Variants in PTPRT observed in about 807,000 individuals in gnomAD.
PTPRT encodes protein tyrosine phosphatase receptor type T, also known as receptor-type tyrosine-protein phosphatase T.
A neutral mutation model predicts 176.8 loss-of-function variants in PTPRT; 56 were observed. The observed-to-expected ratio is 0.32, with a 90% CI of 0.26 to 0.40. The LOEUF (loss-of-function observed/expected upper bound fraction) is 0.40. PTPRT is among the 10% of genes least tolerant of loss of function. The probability of loss-of-function intolerance (pLI) is 1.00; values close to 1 mark genes in which losing one functional copy is unlikely to be tolerated. For missense variants in PTPRT, 1,540 were observed against 1,908.2 expected, an observed-to-expected ratio of 0.81 and a Z score of 3.60; for synonymous variants, 783 against 739.0, an observed-to-expected ratio of 1.06 and a Z score of -0.96.
intron 7 of PTPRT, among the ~76,000 whole-genome samples, chr20:42,662,137 C>T (rs1473357666): frequency 6.6e-6 from 1 of 152,202 alleles, no homozygotes; most frequent in African/African-American, 2.4e-5. Flanking sequence ...GCATACTGTC[C>T]TCTTAATATG....
chr20:42,408,147 C>A (rs1277868430), intron 9 of PTPRT, among the ~76,000 whole-genome samples: 1 of 151,968 alleles, frequency 6.6e-6, no homozygotes, highest in Non-Finnish European at 1.5e-5. Context: ...AATTAACTAC[C>A]AAACTATTTT....
chr20:42,699,835 G>T (rs531040464), intron 6 of PTPRT, among the ~76,000 whole-genome samples: 3 of 152,298 alleles, frequency 2.0e-5, no homozygotes, highest in Admixed American at 1.3e-4. Flanking sequence ...CTGTGATTGT[G>T]TTACCAGTCC....
chr20:42,640,891 T>G (rs1195760498), intron 7 of PTPRT, among the ~76,000 whole-genome samples: 1 of 152,158 alleles, frequency 6.6e-6, no homozygotes, highest in Non-Finnish European at 1.5e-5. Context: ...CCACCATTAA[T>G]GACAACACAA....
the PTPRT span, among the ~76,000 whole-genome samples, chr20:42,061,351 T>C: frequency 2.6e-5 from 4 of 152,136 alleles, no homozygotes; most frequent in Non-Finnish European, 4.4e-5. Context: ...CCCAATATTA[T>C]TAGAATGAGC....
intron 1 of PTPRT, among the ~76,000 whole-genome samples, chr20:43,166,009 G>C (rs2014848927): frequency 6.6e-6 from 1 of 152,006 alleles, no homozygotes; most frequent in South Asian, 2.1e-4. Context: ...GGCTAACATG[G>C]AGAAACGTCA....
chr20:42,833,477 G>C (rs2145700661), intron 2 of PTPRT, among the ~76,000 whole-genome samples: 1 of 151,732 alleles, frequency 6.6e-6, no homozygotes, highest in South Asian at 2.1e-4. Context: ...TACTCAGAAG[G>C]CTGAGGCAGG....
chr20:42,692,951 A>T (rs6072830), intron 6 of PTPRT, among the ~76,000 whole-genome samples: 37,831 of 152,076 alleles, frequency 0.25, 5,162 homozygotes, highest in African/African-American at 0.36. Context: ...TACCACAATA[A>T]TTTACACCTT....
At chr20:42,838,807 G>A (rs548366021) in intron 2 of PTPRT, among the ~76,000 whole-genome samples, 125 of 152,284 alleles carry the variant, frequency 8.2e-4, no homozygotes, top group African/African-American at 2.9e-3. Flanking sequence ...AATGTCTAGT[G>A]TAGTGGCCAT....
chr20:42,524,082 A>T (rs538145011), intron 7 of PTPRT, among the ~76,000 whole-genome samples: 6 of 152,346 alleles, frequency 3.9e-5, no homozygotes, highest in African/African-American at 1.4e-4. Context: ...CTTGGAATAC[A>T]TTAAATAGAA....
At chr20:42,187,982 T>C (rs1033750721) in intron 16 of PTPRT, among the ~76,000 whole-genome samples, 10 of 152,298 alleles carry the variant, frequency 6.6e-5, no homozygotes, top group Admixed American at 6.5e-4. Flanking sequence ...AAGTCTCCAA[T>C]CACATTGTAT....
At chr20:42,339,899 T>C (rs2058088744) in intron 11 of PTPRT, among the ~76,000 whole-genome samples, 1 of 152,194 alleles carries the variant, frequency 6.6e-6, no homozygotes, top group South Asian at 2.1e-4. Context: ...TTTCAGGACC[T>C]ATACCTCTGT....
intron 3 of PTPRT, 120 bp from the exon 4 acceptor site, chr20:42,780,419 C>T (rs1183910682): frequency 1.4e-6 from 1 of 726,962 alleles, no homozygotes; most frequent in Non-Finnish European, 2.4e-6. Context: ...CCCAAGAAAC[C>T]TTCTGTTAAG....
chr20:43,068,308 T>A (rs1430773500), intron 1 of PTPRT, among the ~76,000 whole-genome samples: 3 of 150,062 alleles, frequency 2.0e-5, no homozygotes, highest in Non-Finnish European at 3.0e-5. Flanking sequence ...ATCGAGACTA[T>A]CCTGGCTAAC....
chr20:42,526,247 T>C (rs1266971826), intron 7 of PTPRT, among the ~76,000 whole-genome samples: 2 of 152,196 alleles, frequency 1.3e-5, no homozygotes, highest in Non-Finnish European at 2.9e-5. Flanking sequence ...TTCTTCAGTG[T>C]TTTCTTTGGG....
At chr20:43,068,571 T>C (rs1355252509) in intron 1 of PTPRT, among the ~76,000 whole-genome samples, 1 of 149,852 alleles carries the variant, frequency 6.7e-6, no homozygotes, top group Non-Finnish European at 1.5e-5. Flanking sequence ...TGAGTTTGTA[T>C]ACCTGTGGGA....
chr20:42,578,281 C>T (rs951232373), intron 7 of PTPRT, among the ~76,000 whole-genome samples: 1 of 152,094 alleles, frequency 6.6e-6, no homozygotes, highest in Non-Finnish European at 1.5e-5. Context: ...ATTTAATCCT[C>T]ATCTCAATCT....
At chr20:42,647,714 T>C (rs992635644) in intron 7 of PTPRT, among the ~76,000 whole-genome samples, 3 of 152,184 alleles carry the variant, frequency 2.0e-5, no homozygotes, top group African/African-American at 7.2e-5. Context: ...CTGGAGGATG[T>C]GTCTGCATCT....
intron 1 of PTPRT, among the ~76,000 whole-genome samples, chr20:43,064,193 T>C (rs754418830): frequency 3.9e-5 from 6 of 152,158 alleles, no homozygotes; most frequent in Non-Finnish European, 7.4e-5. Context: ...AGGTAGACTT[T>C]ATATGATAAT....
chr20:42,239,848 C>T (rs1476738271), intron 14 of PTPRT, among the ~76,000 whole-genome samples: 1 of 152,184 alleles, frequency 6.6e-6, no homozygotes, highest in Admixed American at 6.5e-5. Flanking sequence ...ATCCTCCCCA[C>T]AACCCTGAGG....
Sources: allele counts gnomAD v4.1 joint callset (sites outside exome capture counted in the v4.1 genomes callset), GRCh38; gene constraint gnomAD v4.1.1; transcripts MANE v1.5; gene names NCBI Gene and HGNC (gene_info 2026-07-23, HGNC 2026-07-21).